Variants in CNOT10 observed in about 807,000 individuals in gnomAD.
CNOT10 encodes the protein CCR4-NOT transcription complex, subunit 10.
A neutral mutation model predicts 94.6 loss-of-function variants in CNOT10; 30 were observed. The ratio of observed to expected loss-of-function variants is 0.32; its 90% CI spans 0.24 to 0.43. CNOT10 has a LOEUF of 0.43. Ranked by LOEUF, CNOT10 falls within the 20% of genes least tolerant of loss-of-function variation. CNOT10 has a pLI of 1.00. For synonymous variants in CNOT10, 289 were observed against 301.6 expected, an observed-to-expected ratio of 0.96 and a Z score of 0.43; for missense variants, 759 against 877.2, an observed-to-expected ratio of 0.87 and a Z score of 1.70.
intron 1 of CNOT10, among the ~76,000 whole-genome samples, chr3:32,700,199 C>T (rs1215422288): frequency 6.6e-6 from 1 of 152,084 alleles, no homozygotes; most frequent in Non-Finnish European, 1.5e-5. Flanking sequence ...TGGTCTTGAA[C>T]TCCTGACCTC....
chr3:32,733,081 A>G (rs1016193941), intron 10 of CNOT10, among the ~76,000 whole-genome samples: 4 of 152,082 alleles, frequency 2.6e-5, no homozygotes, highest in Non-Finnish European at 5.9e-5. Context: ...TATTTTCCTT[A>G]CTCTGATGTC....
intron 13 of CNOT10, among the ~76,000 whole-genome samples, chr3:32,748,234 A>G (rs1006591913): frequency 1.3e-5 from 2 of 152,354 alleles, no homozygotes; most frequent in Admixed American, 6.5e-5. Context: ...TTTGTATGCT[A>G]TAACATGATT....
At chr3:32,704,779 T>G (rs763917479) in intron 2 of CNOT10, 32 bp from the exon 3 acceptor site, 16 of 1,494,784 alleles carry the variant, frequency 1.1e-5, no homozygotes, top group Non-Finnish European at 1.4e-5. Context: ...GTATGTAATT[T>G]TGTGTGTGTG....
In CNOT10 at chr3:32,762,741, G is replaced by T; in HGVS notation, c.1718G>T (p.Gly573Val). 6.3e-7 allele frequency: 1 copy of T among 1,584,960 alleles called. No individual in the cohort carries two copies. The highest frequency in any genetic ancestry group is 8.5e-7 in the Non-Finnish European group (1 of 1,172,234). Residue 573 changes from glycine to valine, a missense_variant, in exon 15 of 19, where the codon GGA (glycine) becomes GTA (valine). Around this residue, in one of 3 missense-constraint regions of CNOT10, gnomAD observed 682 missense variants for 799.4 expected, o/e 0.85. Transcript: ENST00000328834. ...PKLSGSLKFL[G>V]HLYAAEALIS... ...CTGTTTTTTCATTTTAGGTTTTTGG[G>T]ACATTTATATGCTGCAGAAGCCCTC... is the stretch of plus-strand genomic sequence containing the variant.
intron 13 of CNOT10, among the ~76,000 whole-genome samples, chr3:32,746,939 C>A (rs1699726940): frequency 6.6e-6 from 1 of 151,214 alleles, no homozygotes; most frequent in Non-Finnish European, 1.5e-5. Flanking sequence ...GTCATGGGAG[C>A]AGCTGTAAAT....
intron 1 of CNOT10, among the ~76,000 whole-genome samples, chr3:32,691,956 G>C (rs1696865741): frequency 6.6e-6 from 1 of 151,522 alleles, no homozygotes; most frequent in Non-Finnish European, 1.5e-5. Context: ...AGGGTGAGGT[G>C]GGAGGATCAT....
intron 1 of CNOT10, among the ~76,000 whole-genome samples, chr3:32,692,036 G>C (rs1284480015): frequency 2.1e-5 from 3 of 144,194 alleles, no homozygotes; most frequent in Non-Finnish European, 4.5e-5. Flanking sequence ...GGGTGACTGA[G>C]TGAGACCCTG....
intron 8 of CNOT10, among the ~76,000 whole-genome samples, chr3:32,721,574 A>G (rs757489362): frequency 2.1e-4 from 32 of 149,646 alleles, no homozygotes; most frequent in Non-Finnish European, 3.1e-4. Context: ...CCCAATTAAT[A>G]TGACTTCTTT....
At chr3:32,698,345 A>G (rs1288323472) in intron 1 of CNOT10, among the ~76,000 whole-genome samples, 1 of 152,174 alleles carries the variant, frequency 6.6e-6, no homozygotes, top group African/African-American at 2.4e-5. Context: ...TACAGCAGAT[A>G]AGTTCTTAGA....
At chr3:32,760,735 A>G (rs1700409204) in intron 14 of CNOT10, among the ~76,000 whole-genome samples, 1 of 152,212 alleles carries the variant, frequency 6.6e-6, no homozygotes, top group Non-Finnish European at 1.5e-5. Flanking sequence ...CAGTTCTTTC[A>G]TTCATCGTAT....
At chr3:32,691,738 A>G (rs1004478318) in intron 1 of CNOT10, among the ~76,000 whole-genome samples, 2 of 152,222 alleles carry the variant, frequency 1.3e-5, no homozygotes, top group African/African-American at 4.8e-5. Context: ...CATAGTTTAG[A>G]CAATTCATGT....
Position 32,717,255 on chromosome 3 carries a change from T to G in CNOT10, c.744+18T>G, listed in dbSNP as rs754911043. Reference sequence around the variant, plus strand: ...CTGGAAATGTAAGTTTCTTCTGGACTTTTGTTTTTCAATTTGTGTCTTTCT... The same window carrying G: ...CTGGAAATGTAAGTTTCTTCTGGACGTTTGTTTTTCAATTTGTGTCTTTCT... On this transcript the variant is annotated intron_variant, in intron 7 of 18. Transcript: ENST00000328834. 6.6e-7 allele frequency: 1 copy of G among 1,524,482 alleles called. No homozygotes were observed. Among genetic ancestry groups the G allele is most frequent in the South Asian group, 1.2e-5 (1 of 86,322 alleles). 94.4% of individuals were successfully genotyped at this position (1,524,482 alleles called of 1,614,324 possible). A position where few individuals can be genotyped will look rare whatever the true frequency, so the allele number is the denominator to read the frequency against.
At chr3:32,730,238 A>T (rs943255753) in intron 10 of CNOT10, among the ~76,000 whole-genome samples, 1 of 151,980 alleles carries the variant, frequency 6.6e-6, no homozygotes, top group Non-Finnish European at 1.5e-5. Context: ...TTTCTTTTTA[A>T]ATTAACTGGT....
At chr3:32,687,814 T>A (rs1295428232) in intron 1 of CNOT10, 1 of 152,122 alleles carries the variant, frequency 6.6e-6, no homozygotes, top group Non-Finnish European at 1.5e-5. Flanking sequence ...GATTTCTGTA[T>A]CAACCCACCC....
At chr3:32,702,727 T>G (rs1047488213) in intron 1 of CNOT10, among the ~76,000 whole-genome samples, 1 of 152,140 alleles carries the variant, frequency 6.6e-6, no homozygotes. Context: ...TATTGCTGGG[T>G]GGCAGATCTA....
intron 13 of CNOT10, among the ~76,000 whole-genome samples, chr3:32,758,181 CACTT>C (rs1482133225): frequency 1.3e-5 from 2 of 152,166 alleles, no homozygotes; most frequent in Non-Finnish European, 2.9e-5. Flanking sequence ...TATGTTTACT[CACTT>C]TGAGTCTCTG....
At chr3:32,736,068 C>T (rs561469729) in intron 12 of CNOT10, among the ~76,000 whole-genome samples, 1 of 151,676 alleles carries the variant, frequency 6.6e-6, no homozygotes, top group African/African-American at 2.4e-5. Flanking sequence ...CTTTTGTTTT[C>T]TTTTTGTTTT....
rs1322889523 is a variant in CNOT10, at chr3:32,713,503, GA to G, written c.573+135del. ...GGTTATGAACTATTAACAGCTTAAA[GA>G]TACAATTTTCATATTATAAGCTTTA... On this transcript the variant is annotated intron_variant, in intron 5 of 18. Coordinates refer to ENST00000328834, the MANE Select transcript of CNOT10 (RefSeq NM_015442.3). The G allele has an allele frequency of 6.5e-5, 44 of 673,042 alleles. No homozygotes were observed. The Admixed American group carries it at 6.7e-4, about 10-fold the overall frequency. 41.7% of individuals were successfully genotyped at this position (673,042 alleles called of 1,614,324 possible).
chr3:32,694,138 A>AT (rs10709878), intron 1 of CNOT10, among the ~76,000 whole-genome samples: 30 of 148,494 alleles, frequency 2.0e-4, no homozygotes, highest in African/African-American at 4.9e-4. Flanking sequence ...CACTTGATAA[A>AT]TTTTTTTTTT....
Sources: allele counts gnomAD v4.1 joint callset (sites outside exome capture counted in the v4.1 genomes callset), GRCh38; gene constraint gnomAD v4.1.1; regional missense constraint gnomAD v4.1.1; transcripts MANE v1.5; gene names NCBI Gene and HGNC (gene_info 2026-07-23, HGNC 2026-07-21).